The following TRPC1 variants were observed in gnomAD, a reference collection of about 807,000 sequenced individuals.
TRPC1 encodes transient receptor potential cation channel subfamily C member 1.
A neutral mutation model predicts 88.2 loss-of-function variants in TRPC1; 42 were observed. That is an observed-to-expected ratio of 0.48 (90% CI 0.37 to 0.62). The LOEUF (loss-of-function observed/expected upper bound fraction) is 0.62, where lower values mean the gene tolerates loss of function less well. Ranked by LOEUF, TRPC1 falls within the 20% of genes least tolerant of loss-of-function variation. The probability of loss-of-function intolerance (pLI) is 0.00; values close to 1 mark genes in which losing one functional copy is unlikely to be tolerated. For missense variants in TRPC1, 699 were observed against 957.3 expected, an observed-to-expected ratio of 0.73 and a Z score of 3.56; for synonymous variants, 288 against 331.8, an observed-to-expected ratio of 0.87 and a Z score of 1.43.
intron 1 of TRPC1, among the ~76,000 whole-genome samples, chr3:142,727,144 G>T (rs1209940682): frequency 1.3e-5 from 2 of 152,154 alleles, no homozygotes; most frequent in African/African-American, 4.8e-5. Flanking sequence ...CATTTTCTTT[G>T]TATGGATGCT....
At chr3:142,787,090 A>T (rs1201912479) in intron 7 of TRPC1, among the ~76,000 whole-genome samples, 11 of 152,236 alleles carry the variant, frequency 7.2e-5, no homozygotes, top group Non-Finnish European at 1.2e-4. Flanking sequence ...CCTTACACAC[A>T]TAATATGATT....
chr3:142,756,019 T>C (rs1376318768), intron 4 of TRPC1, among the ~76,000 whole-genome samples: 2 of 152,236 alleles, frequency 1.3e-5, no homozygotes, highest in South Asian at 2.1e-4. Context: ...TCTTGACTTA[T>C]GTCTCTGGCT....
chr3:142,760,208 G>T (rs1399251343), intron 4 of TRPC1, among the ~76,000 whole-genome samples: 9 of 152,128 alleles, frequency 5.9e-5, no homozygotes, highest in Admixed American at 4.6e-4. Flanking sequence ...TGTTTAATTT[G>T]AGGTTGTATA....
intron 4 of TRPC1, among the ~76,000 whole-genome samples, chr3:142,749,283 C>T (rs1934667482): frequency 6.6e-6 from 1 of 152,142 alleles, no homozygotes; most frequent in African/African-American, 2.4e-5. Context: ...AAGTAGAGCA[C>T]ATATAATTTT....
Position 142,736,503 on chromosome 3 carries a change from A to G in TRPC1, c.297A>G (p.Ile99Met). 1 of 1,610,604 alleles carries G rather than the reference A, an allele frequency of 6.2e-7. No homozygotes were observed. Among genetic ancestry groups the G allele is most frequent in the South Asian group, 1.1e-5 (1 of 90,494 alleles). ...CTATTGAAAACGAAAACTTGGATAT[A>G]CTGCAGCTTCTTTTGGACTACGGTT... is the stretch of plus-strand genomic sequence containing the variant. ...TITIENENLD[I>M]LQLLLDYGCQ... is the part of the protein sequence containing the mutation. The change falls in exon 2 of 13, where the codon ATA (isoleucine) becomes ATG (methionine). Residue 99 changes from isoleucine (I) to methionine (M), a missense_variant. By Grantham distance (10) the Ile-to-Met change is conservative. Around this residue, in one of 4 missense-constraint regions of TRPC1, gnomAD observed 157 missense variants for 127.0 expected, o/e 1.24. Transcript: ENST00000476941.
chr3:142,796,274 A>G (rs953431426), intron 9 of TRPC1, among the ~76,000 whole-genome samples: 3 of 152,130 alleles, frequency 2.0e-5, no homozygotes, highest in African/African-American at 7.2e-5. Flanking sequence ...GTATAATACT[A>G]CAGAATAATA....
At chr3:142,743,125 T>C (rs1281490303) in intron 2 of TRPC1, among the ~76,000 whole-genome samples, 2 of 152,126 alleles carry the variant, frequency 1.3e-5, no homozygotes, top group Admixed American at 1.3e-4. Flanking sequence ...CTTTTATAGA[T>C]TTGGATTGTT....
At chr3:142,771,743 T>C (rs183434293) in intron 4 of TRPC1, among the ~76,000 whole-genome samples, 34 of 152,328 alleles carry the variant, frequency 2.2e-4, no homozygotes, top group Non-Finnish European at 3.8e-4. Context: ...TTCTATGTTA[T>C]AGGCCAAACA....
chr3:142,779,861 A>AT (rs1008974297), intron 5 of TRPC1, among the ~76,000 whole-genome samples: 7,575 of 125,390 alleles, frequency 0.06, 272 homozygotes, highest in Non-Finnish European at 0.07. Context: ...AATGTAATTG[A>AT]TTTTTTTTTT....
At chr3:142,741,009 T>C (rs1934325693) in intron 2 of TRPC1, among the ~76,000 whole-genome samples, 1 of 151,978 alleles carries the variant, frequency 6.6e-6, no homozygotes, top group African/African-American at 2.4e-5. Flanking sequence ...ACGTAACTTT[T>C]TTACTCTGAG....
In TRPC1 at chr3:142,780,992, G is replaced by A; in HGVS notation, c.923G>A (p.Ser308Asn). ...RGLLEERMNL[S>N]RLKLAIKYNQ... The stretch of plus-strand genomic sequence containing the variant: ...TTATTAGAAGAAAGAATGAATTTAA[G>A]TCGTCTAAAACTTGCTATCAAATAT... The change falls in exon 6 of 13, where the codon AGT (serine) becomes AAT (asparagine). Residue 308 changes from serine to asparagine, a missense_variant. Transcript: ENST00000476941. 6.2e-7 allele frequency: 1 copy of A among 1,613,374 alleles called. No individual in the cohort carries two copies. The highest frequency in any genetic ancestry group is 8.5e-7 in the Non-Finnish European group (1 of 1,179,642).
At chr3:142,772,840 G>A (rs897169830) in intron 4 of TRPC1, among the ~76,000 whole-genome samples, 5 of 152,142 alleles carry the variant, frequency 3.3e-5, no homozygotes, top group Non-Finnish European at 4.4e-5. Context: ...GAACCTAGAA[G>A]TCAGAAATGA....
rs1337490696 is a variant in TRPC1, at chr3:142,804,580, A to T, written c.2104A>T (p.Ile702Phe). ...CYMISSLSKW[I>F]CSHTSKGKVK... is the part of the protein sequence containing the mutation. The stretch of plus-strand genomic sequence containing the variant: ...TATGATTAGTAGCCTCAGTAAGTGG[A>T]TTTGCTCTCATACATCAAAAGGCAA... Residue 702 changes from isoleucine to phenylalanine, a missense_variant, in exon 12 of 13, where the codon ATT becomes TTT. Ile to Phe is a conservative substitution (Grantham distance 21, BLOSUM62 0). Around this residue, in one of 4 missense-constraint regions of TRPC1, gnomAD observed 105 missense variants for 141.7 expected, o/e 0.74. Transcript: ENST00000476941. 1.2e-6 allele frequency: 2 copies of T among 1,611,660 alleles called. No homozygotes were observed. The highest frequency in any genetic ancestry group is 2.7e-5 in the African/African-American group (2 of 74,816).
intron 4 of TRPC1, among the ~76,000 whole-genome samples, chr3:142,753,899 A>T (rs1485626899): frequency 6.6e-6 from 1 of 151,976 alleles, no homozygotes; most frequent in Non-Finnish European, 1.5e-5. Context: ...ATTCCAGACC[A>T]TCCTGGGCCA....
At position 142,777,866 on chromosome 3, in the gene TRPC1, A is replaced by G. The variant is rs544380499; in HGVS notation, c.764+103A>G. 27 of 1,258,014 alleles carry G rather than the reference A, an allele frequency of 2.1e-5. No homozygotes were observed. The African/African-American group carries it at 2.7e-4, about 13-fold the overall frequency. The allele number at this position is 1,258,014 out of a possible 1,614,324, so 77.9% of individuals were successfully genotyped here. On this transcript the variant is annotated intron_variant, in intron 5 of 12. Transcript: ENST00000476941. ...TTTGTATATATTTACATTTGATCCAAGAACACTACACCTTGTTGCCACTTA... is the reference window on the plus strand; with the variant it reads ...TTTGTATATATTTACATTTGATCCAGGAACACTACACCTTGTTGCCACTTA...
chr3:142,731,894 T>G (rs1933936424), intron 1 of TRPC1, among the ~76,000 whole-genome samples: 1 of 152,192 alleles, frequency 6.6e-6, no homozygotes. Flanking sequence ...AAATTCAAAT[T>G]TCAGTGTCCA....
intron 4 of TRPC1, among the ~76,000 whole-genome samples, chr3:142,777,042 T>G (rs79799945): frequency 6.6e-6 from 1 of 152,176 alleles, no homozygotes; most frequent in Non-Finnish European, 1.5e-5. Flanking sequence ...CCAGGCACAG[T>G]GGCTCACACC....
At position 142,803,228 on chromosome 3, in the gene TRPC1, A is replaced by G. The variant is rs888715338; in HGVS notation, c.1758-749A>G. On this transcript the variant is annotated intron_variant, in intron 10 of 12. Transcript: ENST00000476941. ...GGAGCTAGGGAGTGCCCCAGAAGAG[A>G]TGACATTCATGTGAGGATCTAAAGC... is the stretch of plus-strand genomic sequence containing the variant. 2.6e-5 allele frequency among the ~76,000 whole-genome samples: 4 copies of G among 152,182 alleles called. No individual in the cohort carries two copies. In the East Asian group the frequency reaches 7.7e-4, roughly 29 times the overall value.
chr3:142,728,406 G>A (rs62278495), intron 1 of TRPC1, among the ~76,000 whole-genome samples: 21,575 of 150,924 alleles, frequency 0.14, 1,938 homozygotes, highest in Middle Eastern at 0.24. Flanking sequence ...TCCGCCTCCC[G>A]GGTTCCAGCG....
Sources: gnomAD v4.1 joint callset for allele counts (sites outside exome capture counted in the v4.1 genomes callset) on GRCh38, gnomAD v4.1.1 for gene constraint, gnomAD v4.1.1 regional missense constraint, MANE v1.5 for transcripts, NCBI Gene and HGNC (gene_info 2026-07-23, HGNC 2026-07-21) for gene names.